Variants in SYCP2 observed in about 807,000 individuals in gnomAD.
The protein encoded by SYCP2 is synaptonemal complex lateral element protein.
Under a neutral mutation model 211.3 loss-of-function variants are expected in SYCP2, and 55 were observed. The ratio of observed to expected loss-of-function variants is 0.26; its 90% confidence interval spans 0.21 to 0.33. The LOEUF is 0.33. Among genes scored for constraint, SYCP2 ranks in the 10% least tolerant of loss-of-function variants. The probability of loss-of-function intolerance (pLI) is 1.00; values close to 1 mark genes in which losing one functional copy is unlikely to be tolerated. For missense variants in SYCP2, 1,731 were observed against 1,752.0 expected, an observed-to-expected ratio of 0.99 and a Z score of 0.21; for synonymous variants, 570 against 555.2, an observed-to-expected ratio of 1.03 and a Z score of -0.37.
chr20:59,916,174 G>A (rs1396608851), intron 8 of SYCP2, among the ~76,000 whole-genome samples: 99 of 152,052 alleles, frequency 6.5e-4, no homozygotes, highest in African/African-American at 2.3e-3. Flanking sequence ...ACTTTATTTT[G>A]TTCTTATGAT....
chr20:59,908,113 G>C (rs1209443593), intron 14 of SYCP2, among the ~76,000 whole-genome samples: 1 of 152,068 alleles, frequency 6.6e-6, no homozygotes, highest in Admixed American at 6.6e-5. Context: ...GCCGGGCGTG[G>C]TGGTGGGCGC....
intron 20 of SYCP2, among the ~76,000 whole-genome samples, chr20:59,895,194 T>A (rs1042823169): frequency 1.3e-5 from 2 of 152,104 alleles, no homozygotes; most frequent in Non-Finnish European, 2.9e-5. Flanking sequence ...GCAGGTTCAT[T>A]TATGCTCCCA....
At chr20:59,932,984 A>C (rs1487249435) in intron 1 of SYCP2, among the ~76,000 whole-genome samples, 1 of 151,618 alleles carries the variant, frequency 6.6e-6, no homozygotes, top group African/African-American at 2.4e-5. Flanking sequence ...CCCTGCTCCC[A>C]CCGCCGGCAC....
At chr20:59,881,387 T>G in intron 29 of SYCP2, 50 bp downstream of exon 29, 3 of 978,214 alleles carry the variant, frequency 3.1e-6, no homozygotes, top group Non-Finnish European at 4.6e-6. Context: ...GAGGAGATAT[T>G]TAAGAGAAAA....
chr20:59,878,744 T>G (rs2059608722), intron 31 of SYCP2, among the ~76,000 whole-genome samples: 1 of 152,162 alleles, frequency 6.6e-6, no homozygotes, highest in Admixed American at 6.6e-5. Flanking sequence ...ATCCTACGAT[T>G]TATTTTCCAT....
At chr20:59,906,914 G>C (rs2060224264) in intron 15 of SYCP2, among the ~76,000 whole-genome samples, 1 of 152,076 alleles carries the variant, frequency 6.6e-6, no homozygotes, top group Non-Finnish European at 1.5e-5. Context: ...AGCATCACTA[G>C]TCATTGGAAA....
At chr20:59,931,261 A>G (rs555350042) in intron 2 of SYCP2, among the ~76,000 whole-genome samples, 1 of 152,332 alleles carries the variant, frequency 6.6e-6, no homozygotes, top group Admixed American at 6.5e-5. Flanking sequence ...TTCTACAAAA[A>G]TAAAAGTTAG....
chr20:59,904,798 AT>A (rs1226023139), intron 15 of SYCP2, among the ~76,000 whole-genome samples: 3 of 152,130 alleles, frequency 2.0e-5, no homozygotes, highest in African/African-American at 7.2e-5. Flanking sequence ...TGGTGCCAGT[AT>A]TTGCCTCTGA....
At chr20:59,905,172 C>T (rs959061768) in intron 15 of SYCP2, among the ~76,000 whole-genome samples, 6 of 152,052 alleles carry the variant, frequency 3.9e-5, no homozygotes, top group Non-Finnish European at 8.8e-5. Context: ...AAATATAAAA[C>T]GGTAAAATCA....
rs2059395307 is a variant in SYCP2, at chr20:59,868,634, G to A, written c.3833-66C>T. ...CATTAAAAATACCTCATATTTTCTT[G>A]CTTTTATTTTAAAAAGGCTTTGTTT... On this transcript the variant is annotated intron_variant, in intron 37 of 44. Transcript: ENST00000357552. 4.7e-6 allele frequency: 7 copies of A among 1,475,634 alleles called. No individual in the cohort carries two copies. The East Asian group carries it at 1.7e-4, about 36-fold the overall frequency. The allele number at this position is 1,475,634 out of a possible 1,614,324, so 91.4% of individuals were successfully genotyped here.
Position 59,869,828 on chromosome 20 carries a change from G to A in SYCP2, c.3711C>T (p.Ile1237=), listed in dbSNP as rs750131596. ...TTTTGCTTTGTATATAATTTTCATTGATATGTGGAGATTCAATTTCCATAA... is the reference window on the plus strand; with the variant it reads ...TTTTGCTTTGTATATAATTTTCATTAATATGTGGAGATTCAATTTCCATAA... The part of the protein sequence containing the change: ...ERFMEIESPH[I]NENYIQSKRE... Residue 1237 remains isoleucine, a synonymous_variant, in exon 36 of 45, where the codon ATC becomes ATT. Transcript: ENST00000357552. 4 of 1,605,030 alleles carry A rather than the reference G, an allele frequency of 2.5e-6. No individual in the cohort carries two copies. The Admixed American group carries it at 6.7e-5, about 27-fold the overall frequency.
chr20:59,865,249 A>G (rs1600790417), intron 44 of SYCP2, 139 bp downstream of exon 44: 2 of 636,560 alleles, frequency 3.1e-6, no homozygotes, highest in East Asian at 5.7e-5. Flanking sequence ...CATTATTTAA[A>G]GAACTAAAAG....
At chr20:59,928,785 A>C (rs766859967) in intron 2 of SYCP2, among the ~76,000 whole-genome samples, 1 of 152,110 alleles carries the variant, frequency 6.6e-6, no homozygotes, top group African/African-American at 2.4e-5. Flanking sequence ...TTAGAAATCT[A>C]TTTTGCCATA....
At chr20:59,913,700 T>C (rs2060375756) in intron 12 of SYCP2, among the ~76,000 whole-genome samples, 1 of 152,094 alleles carries the variant, frequency 6.6e-6, no homozygotes, top group South Asian at 2.1e-4. Context: ...ATTTTGAACA[T>C]CTAAAGTTAT....
In SYCP2 at chr20:59,869,877, C is replaced by T. The variant is rs2059417879; in HGVS notation, c.3662G>A (p.Ser1221Asn). The T allele has an allele frequency of 6.2e-7, 1 of 1,607,492 alleles. No homozygotes were observed. The highest frequency in any genetic ancestry group is 8.5e-7 in the Non-Finnish European group (1 of 1,175,224). ...AAACCGTTCTTCTGAACTATAACTG[C>T]TTACATCTGAATAGCTGTTACTGTT... ...TQNSNSYSDVSSYSSEERFME... is the reference protein window; with the variant it reads ...TQNSNSYSDVNSYSSEERFME... Residue 1221 changes from serine (S) to asparagine (N), a missense_variant, in exon 36 of 45, where the codon AGC (serine) becomes AAC (asparagine). Coordinates refer to ENST00000357552, the MANE Select transcript of SYCP2 (RefSeq NM_014258.4).
At chr20:59,882,482 A>T (rs1165115693) in intron 26 of SYCP2, among the ~76,000 whole-genome samples, 1 of 152,198 alleles carries the variant, frequency 6.6e-6, no homozygotes, top group Non-Finnish European at 1.5e-5. Context: ...AATATACCAA[A>T]GAGGTATCTG....
rs530952457 is a variant in SYCP2 at position 59,888,059 on chromosome 20, A to T, written c.2365-1225T>A. 2.6e-5 allele frequency among the ~76,000 whole-genome samples: 4 copies of T among 152,172 alleles called. No homozygotes were observed. The East Asian group carries it at 7.8e-4, about 30-fold the overall frequency. On this transcript the variant is annotated intron_variant, in intron 24 of 44. Transcript: ENST00000357552. ...CCTACCAAAACACCAGAAAGAGTTC[A>T]CTTGTGAACTCTATCAAACATTTAA...
rs1360192196 is a variant in SYCP2 at position 59,895,443 on chromosome 20, T to G, written c.1659A>C (p.Ile553=). Residue 553 remains isoleucine (I), a synonymous_variant, in exon 20 of 45, where the codon ATA becomes ATC. Transcript: ENST00000357552. ...SSEGRHRRDN[I]DKHIKTAKCV... is the part of the protein sequence containing the mutation. ...ACTTTCAAGGTAAAGTTACTTTGTC[T>G]ATATTATCTCTTCTATGTCTTCCTT... 5 of 1,591,418 alleles carry G rather than the reference T, an allele frequency of 3.1e-6. No homozygotes were observed. The highest frequency in any genetic ancestry group is 4.3e-6 in the Non-Finnish European group (5 of 1,172,376).
At chr20:59,867,632 A>C in intron 39 of SYCP2, 79 bp downstream of exon 39, 1 of 1,298,410 alleles carries the variant, frequency 7.7e-7, no homozygotes, top group South Asian at 1.4e-5. Flanking sequence ...CAAAGGATCA[A>C]ACAAGCCAAT....
Sources: gnomAD v4.1 joint callset for allele counts (sites outside exome capture counted in the v4.1 genomes callset) on GRCh38, gnomAD v4.1.1 for gene constraint, MANE v1.5 for transcripts, NCBI Gene and HGNC (gene_info 2026-07-23, HGNC 2026-07-21) for gene names.